DAB1: variants seen among roughly 807,000 people sequenced by gnomAD.
DAB1 encodes disabled homolog 1.
A neutral mutation model predicts 64.6 loss-of-function variants in DAB1; 15 were observed. That is an observed-to-expected ratio of 0.23 (90% CI 0.16 to 0.36). The LOEUF (loss-of-function observed/expected upper bound fraction) is 0.36. DAB1 is among the 10% of genes least tolerant of loss of function. The pLI is 1.00. For synonymous variants in DAB1, 235 were observed against 251.9 expected (o/e 0.93, Z 0.64); for missense variants, 596 against 706.7 (o/e 0.84, Z 1.78).
At chr1:57,350,550 T>A (rs1237495057) in intron 1 of DAB1, among the ~76,000 whole-genome samples, 2 of 152,098 alleles carry the variant, frequency 1.3e-5, no homozygotes, top group Non-Finnish European at 2.9e-5. Flanking sequence ...TGTATTTAGA[T>A]CCACTTTGCT....
chr1:58,038,994 C>T (rs1033485098), intron 5 of DAB1, among the ~76,000 whole-genome samples: 2 of 152,128 alleles, frequency 1.3e-5, no homozygotes, highest in African/African-American at 4.8e-5. Flanking sequence ...CCCTAGGGAG[C>T]CTCCACAGCC....
At chr1:57,400,381 C>T (rs544522722) in intron 1 of DAB1, among the ~76,000 whole-genome samples, 4 of 152,094 alleles carry the variant, frequency 2.6e-5, no homozygotes, top group South Asian at 2.1e-4. Flanking sequence ...ACATAACCCA[C>T]GTGGCTTATT....
At chr1:58,230,555 A>G (rs977995794) in intron 4 of DAB1, among the ~76,000 whole-genome samples, 1 of 152,208 alleles carries the variant, frequency 6.6e-6, no homozygotes, top group African/African-American at 2.4e-5. Flanking sequence ...CCACTAACAA[A>G]GAACTGATAC....
intron 4 of DAB1, among the ~76,000 whole-genome samples, chr1:58,160,099 T>C (rs1381302951): frequency 6.6e-6 from 1 of 152,120 alleles, no homozygotes; most frequent in Non-Finnish European, 1.5e-5. Flanking sequence ...TGAGACCTAA[T>C]GGCAGGTAGG....
At chr1:57,316,265 A>T (rs1675199462) in intron 1 of DAB1, among the ~76,000 whole-genome samples, 1 of 152,206 alleles carries the variant, frequency 6.6e-6, no homozygotes, top group African/African-American at 2.4e-5. Context: ...AACAAGAAGC[A>T]CTTCCTAAGT....
intron 2 of DAB1, among the ~76,000 whole-genome samples, chr1:57,224,946 A>C (rs939828949): frequency 6.6e-6 from 1 of 152,206 alleles, no homozygotes; most frequent in African/African-American, 2.4e-5. Flanking sequence ...TTAAAACAAA[A>C]ACAAACAAAC....
intron 6 of DAB1, among the ~76,000 whole-genome samples, chr1:57,681,087 C>G (rs573439147): frequency 6.6e-6 from 1 of 152,146 alleles, no homozygotes; most frequent in Non-Finnish European, 1.5e-5. Flanking sequence ...AAGTTTGAGA[C>G]CAAGATGTCA....
chr1:57,865,492 T>C (rs1189435415), intron 1 of DAB1, among the ~76,000 whole-genome samples: 1 of 152,110 alleles, frequency 6.6e-6, no homozygotes, highest in Non-Finnish European at 1.5e-5. Flanking sequence ...ATCATGCCAT[T>C]CTTGGTGTCA....
At position 58,292,308 on chromosome 1, in the gene DAB1, G is replaced by A. The variant is rs563550468; in HGVS notation, n.309+51044C>T. 4.6e-5 allele frequency among the ~76,000 whole-genome samples: 7 copies of A among 152,182 alleles called. No individual in the cohort carries two copies. In the South Asian group the frequency reaches 1.5e-3, roughly 32 times the overall value. On this transcript the variant is annotated intron_variant and non_coding_transcript_variant, in intron 4 of 20. Transcript: ENST00000485760. ...CACTGATGAGAGGAAAAGATGGAGA[G>A]ATGCACAGAGAAAATCAGAAAGAGA...
At chr1:57,695,015 A>T (rs888821922) in intron 6 of DAB1, among the ~76,000 whole-genome samples, 1 of 152,052 alleles carries the variant, frequency 6.6e-6, no homozygotes, top group Admixed American at 6.6e-5. Context: ...TAAATTTTTT[A>T]AAAATAATTT....
intron 6 of DAB1, among the ~76,000 whole-genome samples, chr1:57,742,552 A>C (rs986442698): frequency 6.6e-6 from 1 of 152,016 alleles, no homozygotes; most frequent in Non-Finnish European, 1.5e-5. Context: ...GCCCCAAGCT[A>C]GGAACCTGGT....
chr1:57,111,160 G>A (rs1288956971), intron 4 of DAB1, among the ~76,000 whole-genome samples: 2 of 152,042 alleles, frequency 1.3e-5, no homozygotes, highest in Admixed American at 6.6e-5. Flanking sequence ...GCGGATATGG[G>A]AAGAAATGGA....
At chr1:57,198,649 T>TCACACA (rs57872654) in intron 2 of DAB1, among the ~76,000 whole-genome samples, 2,373 of 128,198 alleles carry the variant, frequency 0.019, 23 homozygotes, top group South Asian at 0.027. Flanking sequence ...CTTCTCTCTC[T>TCACACA]CACACACACA....
intron 5 of DAB1, among the ~76,000 whole-genome samples, chr1:58,071,981 C>T (rs1169723389): frequency 1.4e-5 from 2 of 139,918 alleles, no homozygotes; most frequent in African/African-American, 2.7e-5. Context: ...AAGGAACATG[C>T]AAAAGTTAAA....
chr1:57,617,557 T>C (rs1185164125), intron 7 of DAB1, among the ~76,000 whole-genome samples: 1 of 152,116 alleles, frequency 6.6e-6, no homozygotes, highest in Admixed American at 6.6e-5. Context: ...ATCTTAAAAT[T>C]GTCACCTCCG....
chr1:57,203,970 C>T (rs933529982), intron 2 of DAB1, among the ~76,000 whole-genome samples: 5 of 152,042 alleles, frequency 3.3e-5, no homozygotes, highest in Non-Finnish European at 7.4e-5. Context: ...GTTCACTTCA[C>T]CCTCTGCCTC....
chr1:58,391,867 A>G (rs1644478672), intron 3 of DAB1, among the ~76,000 whole-genome samples: 1 of 152,222 alleles, frequency 6.6e-6, no homozygotes, highest in African/African-American at 2.4e-5. Flanking sequence ...TAAAATATGA[A>G]TTTGTTGTAG....
At chr1:58,286,242 G>T (rs1004920875) in intron 4 of DAB1, among the ~76,000 whole-genome samples, 1 of 152,118 alleles carries the variant, frequency 6.6e-6, no homozygotes, top group Non-Finnish European at 1.5e-5. Context: ...TACCATTCAG[G>T]ACATAGACAT....
intron 3 of DAB1, among the ~76,000 whole-genome samples, chr1:58,416,971 G>A (rs114541009): frequency 0.033 from 5,101 of 152,290 alleles, 107 homozygotes; most frequent in African/African-American, 0.063. Flanking sequence ...CAAAATTAGA[G>A]TCATTTGAAG....
Sources: gnomAD v4.1 joint callset for allele counts (sites outside exome capture counted in the v4.1 genomes callset) on GRCh38, gnomAD v4.1.1 for gene constraint, MANE v1.5 for transcripts, NCBI Gene and HGNC (gene_info 2026-07-23, HGNC 2026-07-21) for gene names.